Variants in CCDC187 observed in about 807,000 individuals in gnomAD.
CCDC187 encodes the protein coiled-coil domain-containing protein 187.
In CCDC187, 32 loss-of-function variants were observed where a neutral mutation model predicts 38.0. The observed-to-expected ratio is 0.84, with a 90% CI of 0.64 to 1.13. The LOEUF is 1.13. CCDC187 is among the 50% of genes most tolerant of loss of function. The pLI is 0.00. For synonymous variants in CCDC187, 333 were observed against 347.9 expected, an observed-to-expected ratio of 0.96 and a Z score of 0.48; for missense variants, 707 against 786.8, an observed-to-expected ratio of 0.90 and a Z score of 1.21.
At chr9:136,265,316 C>T (rs1830731331) in intron 17 of CCDC187, among the ~76,000 whole-genome samples, 1 of 152,210 alleles carries the variant, frequency 6.6e-6, no homozygotes, top group Non-Finnish European at 1.5e-5. Flanking sequence ...GGTCTGCTTC[C>T]TCCAGTCCCT....
At chr9:136,299,158 A>G (rs1055523312) in intron 3 of CCDC187, among the ~76,000 whole-genome samples, 24 of 152,296 alleles carry the variant, frequency 1.6e-4, no homozygotes, top group African/African-American at 5.8e-4. Flanking sequence ...CACAGGGCTC[A>G]GGCGGAACCG....
At chr9:136,281,261 C>A in intron 10 of CCDC187, 1 of 397,394 alleles carries the variant, frequency 2.5e-6, no homozygotes, top group Non-Finnish European at 4.4e-6. Flanking sequence ...AGGAAGCGCC[C>A]TAGGAGGTGG....
chr9:136,272,216 T>C (rs1554762514), intron 14 of CCDC187, among the ~76,000 whole-genome samples: 1 of 152,190 alleles, frequency 6.6e-6, no homozygotes, highest in African/African-American at 2.4e-5. Context: ...AATCTACATC[T>C]ACCGGAAGCA....
intron 4 of CCDC187, among the ~76,000 whole-genome samples, chr9:136,294,803 C>T (rs1183050952): frequency 4.6e-5 from 7 of 152,236 alleles, no homozygotes; most frequent in Non-Finnish European, 7.3e-5. Flanking sequence ...GACCCCAGGC[C>T]ATGCCCCACA....
At chr9:136,263,456 C>A (rs953994853) in intron 18 of CCDC187, among the ~76,000 whole-genome samples, 166 bp downstream of exon 18, 1 of 152,030 alleles carries the variant, frequency 6.6e-6, no homozygotes, top group Non-Finnish European at 1.5e-5. Flanking sequence ...GGATGGTCTC[C>A]ATCTCCTGAC....
At position 136,290,833 on chromosome 9, in the gene CCDC187, C is replaced by T. The variant is rs937391461; in HGVS notation, c.1780G>A (p.Val594Ile). ...GGCAGGGCATGCTTGGCAGCCGAGA[C>T]GGGGGAGCCGATGCCTCTGCCCTTG... The part of the protein sequence containing the change: ...QGKGRGIGSP[V>I]SAAKHALPRP... Residue 594 changes from valine to isoleucine, a missense_variant, in exon 6 of 26, where the codon GTC (valine) becomes ATC (isoleucine). By Grantham distance (29) the Val-to-Ile change is conservative. Coordinates refer to ENST00000638797, the MANE Select transcript of CCDC187 (RefSeq NM_001378188.1). 1.8e-5 allele frequency: 7 copies of T among 398,440 alleles called. No individual in the cohort carries two copies. Among genetic ancestry groups the T allele is most frequent in the African/African-American group, 2.1e-5 (1 of 48,626 alleles). The allele number at this position is 398,440 out of a possible 1,614,324, so 24.7% of individuals were successfully genotyped here. A position where few individuals can be genotyped will look rare whatever the true frequency, so the allele number is the denominator to read the frequency against.
chr9:136,306,553 T>A (rs1831806969), upstream of CCDC187, among the ~76,000 whole-genome samples: 1 of 152,058 alleles, frequency 6.6e-6, no homozygotes, highest in East Asian at 1.9e-4. Flanking sequence ...TCTTACGTCG[T>A]CTCAGGGCAA....
rs782033940 is a variant in CCDC187, at chr9:136,264,218, C to T, written c.3736-420G>A. The T allele has an allele frequency of 5.2e-5, 8 of 152,462 alleles. No individual in the cohort carries two copies. In the South Asian group the frequency reaches 1.2e-3, roughly 24 times the overall value. 9.4% of individuals were successfully genotyped at this position (152,462 alleles called of 1,614,324 possible). A position where few individuals can be genotyped will look rare whatever the true frequency, so the allele number is the denominator to read the frequency against. ...CACAGAGCCCAGGGCCGGGCCGGGCCGTTGCACACTCGCCCTGGGAGACAG... is the reference window on the plus strand; with the variant it reads ...CACAGAGCCCAGGGCCGGGCCGGGCTGTTGCACACTCGCCCTGGGAGACAG... On this transcript the variant is annotated intron_variant, in intron 17 of 25. Transcript: ENST00000638797. This position sits in a 1 kb window ranked among gnomAD's most constrained non-coding sequence, Gnocchi z 4.3.
chr9:136,289,516 C>T (rs1831260227), intron 7 of CCDC187, among the ~76,000 whole-genome samples: 1 of 58,130 alleles, frequency 1.7e-5, no homozygotes, highest in East Asian at 6.7e-4. Context: ...AAAACTCCAT[C>T]TCAAAAAAAA....
chr9:136,269,659 A>T (rs1830807830), intron 14 of CCDC187, among the ~76,000 whole-genome samples: 1 of 152,120 alleles, frequency 6.6e-6, no homozygotes, highest in South Asian at 2.1e-4. Flanking sequence ...GGAAAAATTA[A>T]AAAAAAGGAA....
chr9:136,250,883 G>A lies in CCDC187; in HGVS notation c.*2711C>T, dbSNP rs1417407945. ...CCGGGCGAGGGGTGTCTGGAGAGGG[G>A]CTCTTGCCTCACGGCAGGGGGCCCA... On this transcript the variant is annotated 3_prime_UTR_variant, in exon 26 of 26. Transcript: ENST00000638797. 1.3e-5 allele frequency: 6 copies of A among 452,840 alleles called. No individual in the cohort carries two copies. The highest frequency in any genetic ancestry group is 1.2e-4 in the African/African-American group (6 of 50,008). The allele number at this position is 452,840 out of a possible 1,614,324, so 28.1% of individuals were successfully genotyped here. A position where few individuals can be genotyped will look rare whatever the true frequency, so the allele number is the denominator to read the frequency against.
intron 17 of CCDC187, among the ~76,000 whole-genome samples, chr9:136,265,383 A>C (rs1224547695): frequency 6.6e-6 from 1 of 152,168 alleles, no homozygotes; most frequent in Admixed American, 6.5e-5. Context: ...CCTCCCTGCC[A>C]GGCGCGGCTA....
chr9:136,262,661 G>A (rs1554761134), intron 18 of CCDC187, among the ~76,000 whole-genome samples, 199 bp from the exon 19 acceptor site: 1 of 152,184 alleles, frequency 6.6e-6, no homozygotes, highest in Admixed American at 6.5e-5. Flanking sequence ...AGGTATGGAT[G>A]GGAGGCCCAG....
At chr9:136,292,735 C>T (rs1220741512) in intron 4 of CCDC187, among the ~76,000 whole-genome samples, 4 of 152,330 alleles carry the variant, frequency 2.6e-5, no homozygotes, top group African/African-American at 7.2e-5. Context: ...TCGGGCTCCG[C>T]GCAGCACGGG....
intron 14 of CCDC187, among the ~76,000 whole-genome samples, chr9:136,269,556 G>A (rs1830805577): frequency 6.6e-6 from 1 of 152,288 alleles, no homozygotes; most frequent in African/African-American, 2.4e-5. Context: ...GCTGAGGCAG[G>A]GGAATTGCTT....
At position 136,292,343 on chromosome 9, in the gene CCDC187, G is replaced by A. The variant is rs1831353716; in HGVS notation, c.833-48C>T. The stretch of plus-strand genomic sequence containing the variant: ...ACAGCCGGGCGCCCCATGGCCCTCT[G>A]GGCACTGGCCCGGACGGGGAGGTTG... On this transcript the variant is annotated intron_variant, in intron 4 of 25. Transcript: ENST00000638797. The A allele has an allele frequency of 1.5e-5, 6 of 398,442 alleles. No homozygotes were observed. In the Admixed American group the frequency reaches 2.2e-4, roughly 15 times the overall value. The allele number at this position is 398,442 out of a possible 1,614,324, so 24.7% of individuals were successfully genotyped here. A position where few individuals can be genotyped will look rare whatever the true frequency, so the allele number is the denominator to read the frequency against.
rs782051993 is a variant in CCDC187 at position 136,264,941 on chromosome 9, G to A, written c.3735+1015C>T. 1.4e-4 allele frequency among the ~76,000 whole-genome samples: 22 copies of A among 152,086 alleles called. No individual in the cohort carries two copies. Among genetic ancestry groups the A allele is most frequent in the Admixed American group, 1.2e-3 (18 of 15,274 alleles). ...TGGCAGATTTATTTTTTGTAGAGAC[G>A]GGGTCTTGCTATGTTGCCCAGGCCT... On this transcript the variant is annotated intron_variant, in intron 17 of 25. Coordinates refer to ENST00000638797, the MANE Select transcript of CCDC187 (RefSeq NM_001378188.1). This position sits in a 1 kb window ranked among gnomAD's most constrained non-coding sequence, Gnocchi z 4.3.
At chr9:136,304,581 T>C (rs1831769133), upstream of CCDC187, among the ~76,000 whole-genome samples, 1 of 152,170 alleles carries the variant, frequency 6.6e-6, no homozygotes, top group Admixed American at 6.5e-5. Context: ...ACCCTGCACA[T>C]CCCAGTGGGT....
rs782249401 is a variant in CCDC187 at position 136,258,726 on chromosome 9, G to A, written c.4366+206C>T. The A allele has an allele frequency of 2.8e-5, 28 of 985,352 alleles. No individual in the cohort carries two copies. Among genetic ancestry groups the A allele is most frequent in the South Asian group, 4.7e-5 (1 of 21,294 alleles). The allele number at this position is 985,352 out of a possible 1,614,324, so 61.0% of individuals were successfully genotyped here. On this transcript the variant is annotated intron_variant, in intron 22 of 25. Transcript: ENST00000638797. This position sits in a 1 kb window ranked among gnomAD's most constrained non-coding sequence, Gnocchi z 4.3. The stretch of plus-strand genomic sequence containing the variant: ...GACTTTTAATTTCTCCAGAAGAGCC[G>A]CTGCGTCACCTCCGGTAGGAGATGG...
Sources: allele counts gnomAD v4.1 joint callset (sites outside exome capture counted in the v4.1 genomes callset), GRCh38; gene constraint gnomAD v4.1.1; non-coding constraint Gnocchi (gnomAD v3.1); transcripts MANE v1.5; gene names NCBI Gene and HGNC (gene_info 2026-07-23, HGNC 2026-07-21).